The following ULK4 variants were observed in gnomAD, a reference collection of about 807,000 sequenced individuals.
ULK4 encodes inactive serine/threonine-protein kinase ULK4.
ULK4 carries 133 observed loss-of-function variants against 160.6 expected under a neutral mutation model. The observed-to-expected ratio is 0.83, with a 90% CI of 0.72 to 0.96. ULK4 has a LOEUF of 0.96. Among genes scored for constraint, ULK4 ranks in the 40% least tolerant of loss-of-function variants. ULK4 has a pLI of 0.00. For missense variants in ULK4, 1,580 were observed against 1,499.5 expected, an observed-to-expected ratio of 1.05 and a Z score of -0.89; for synonymous variants, 534 against 539.8, an observed-to-expected ratio of 0.99 and a Z score of 0.15.
In ULK4 at chr3:41,388,630, G is replaced by A. The variant is rs555533659; in HGVS notation, c.3678+9449C>T. Among the ~76,000 whole-genome samples, 4 of 152,174 alleles carry A rather than the reference G, an allele frequency of 2.6e-5. No individual in the cohort carries two copies. The South Asian group carries it at 6.2e-4, about 24-fold the overall frequency. On this transcript the variant is annotated intron_variant, in intron 35 of 36. Transcript: ENST00000301831. The stretch of plus-strand genomic sequence containing the variant: ...TTCCCAGCACCATTTGTTAAATAGG[G>A]AATCCTTTCCCCATTTCTTGTTTTT...
chr3:41,954,940 A>C, intron 1 of ULK4, 133 bp from the exon 2 acceptor site: 1 of 594,740 alleles, frequency 1.7e-6, no homozygotes, highest in South Asian at 2.5e-5. Context: ...TTCACTTACA[A>C]ATGTTAAATA....
chr3:41,765,286 T>C (rs1408554975), intron 21 of ULK4, among the ~76,000 whole-genome samples: 2 of 152,110 alleles, frequency 1.3e-5, no homozygotes, highest in African/African-American at 2.4e-5. Flanking sequence ...GAAACCATCA[T>C]TCTGGGCAAA....
At chr3:41,579,262 G>C (rs556638313) in intron 31 of ULK4, among the ~76,000 whole-genome samples, 1 of 152,232 alleles carries the variant, frequency 6.6e-6, no homozygotes, top group African/African-American at 2.4e-5. Flanking sequence ...GAAAATGAAA[G>C]AGAAAACCAG....
At chr3:41,292,943 C>CA (rs1295434628) in intron 35 of ULK4, among the ~76,000 whole-genome samples, 1 of 150,774 alleles carries the variant, frequency 6.6e-6, no homozygotes, top group Non-Finnish European at 1.5e-5. Flanking sequence ...GACACCGTCT[C>CA]AAAAAAATAA....
At chr3:41,931,723 A>G (rs966689253) in intron 5 of ULK4, 121 bp downstream of exon 5, 6 of 1,228,484 alleles carry the variant, frequency 4.9e-6, no homozygotes, top group Non-Finnish European at 6.9e-6. Context: ...TCTGCTGGTC[A>G]TTACCATTTT....
intron 35 of ULK4, among the ~76,000 whole-genome samples, chr3:41,281,596 A>C (rs2079354094): frequency 6.6e-6 from 1 of 152,230 alleles, no homozygotes; most frequent in Admixed American, 6.5e-5. Flanking sequence ...AACAAAATTC[A>C]ACAGCTCTTC....
intron 31 of ULK4, among the ~76,000 whole-genome samples, chr3:41,608,701 T>C (rs2032506393): frequency 6.6e-6 from 1 of 152,186 alleles, no homozygotes; most frequent in Non-Finnish European, 1.5e-5. Context: ...CCAATGTAAC[T>C]GACAGTTAGG....
intron 32 of ULK4, among the ~76,000 whole-genome samples, chr3:41,502,127 T>C (rs1216741966): frequency 1.3e-5 from 2 of 152,258 alleles, no homozygotes; most frequent in Admixed American, 6.5e-5. Flanking sequence ...TTCTATATCC[T>C]AGCTACTGTG....
At chr3:41,880,102 A>C (rs1697459877) in intron 17 of ULK4, among the ~76,000 whole-genome samples, 1 of 152,194 alleles carries the variant, frequency 6.6e-6, no homozygotes, top group Non-Finnish European at 1.5e-5. Context: ...CCTGGGCAAC[A>C]GAGTGAGACT....
rs768922641 is a variant in ULK4 at position 41,681,518 on chromosome 3, A to C, written c.2968T>G (p.Leu990Val). Residue 990 changes from leucine to valine, a missense_variant, in exon 29 of 37, where the codon TTA becomes GTA. Leu to Val is a conservative substitution (Grantham distance 32, BLOSUM62 1). Transcript: ENST00000301831. ...CTGCATGATACTTACTGGGGAAGTA[A>C]GACATCTCGAATGAGAGCCAGAAGA... ...SNLLALIRDV[L>V]LPQYEHILLE... The C allele has an allele frequency of 1.9e-6, 3 of 1,614,028 alleles. No individual in the cohort carries two copies. The highest frequency in any genetic ancestry group is 2.5e-6 in the Non-Finnish European group (3 of 1,179,948).
At chr3:41,377,706 T>C (rs1378929525) in intron 35 of ULK4, among the ~76,000 whole-genome samples, 3 of 147,616 alleles carry the variant, frequency 2.0e-5, no homozygotes, top group Non-Finnish European at 4.4e-5. Flanking sequence ...ATGGCGATCA[T>C]TAAAAAGTCA....
At chr3:41,768,666 A>G (rs2039250311) in intron 21 of ULK4, among the ~76,000 whole-genome samples, 1 of 152,210 alleles carries the variant, frequency 6.6e-6, no homozygotes, top group South Asian at 2.1e-4. Context: ...CAGCTAACAC[A>G]ACCTTGCTCA....
At chr3:41,898,321 T>C (rs1575909880) in intron 14 of ULK4, 111 bp downstream of exon 14, 2 of 688,730 alleles carry the variant, frequency 2.9e-6, no homozygotes, top group East Asian at 5.6e-5. Flanking sequence ...TAGCCAATTG[T>C]CAAGACAAAA....
At chr3:41,772,227 A>G (rs149736853) in intron 21 of ULK4, among the ~76,000 whole-genome samples, 1,553 of 152,340 alleles carry the variant, frequency 0.01, 28 homozygotes, top group African/African-American at 0.035. Flanking sequence ...TCAGAGCAGA[A>G]CTGAAGGAGA....
At position 41,758,134 on chromosome 3, in the gene ULK4, C is replaced by G. The variant is rs141763561; in HGVS notation, c.2194-3646G>C. Among the ~76,000 whole-genome samples, 920 of 152,156 alleles carry G rather than the reference C, an allele frequency of 6.0e-3. 2 individuals carry two copies. Among genetic ancestry groups the G allele is most frequent in the Non-Finnish European group, 8.7e-3 (589 of 68,008 alleles). On this transcript the variant is annotated intron_variant, in intron 21 of 36. Transcript: ENST00000301831. ...TTACCCCTTCCAACATGTAAGGACA[C>G]AAAGACGAAACTATGTATGACAAAT...
intron 17 of ULK4, chr3:41,854,889 G>A (rs2125676977): frequency 1.3e-5 from 2 of 149,448 alleles, no homozygotes; most frequent in South Asian, 4.3e-4. Context: ...GTGCTACCTG[G>A]AGTCTTAGCC....
chr3:41,918,595 C>CTT (rs36064862), intron 6 of ULK4, 55 bp from the exon 7 acceptor site: 2,384 of 226,136 alleles, frequency 0.011, 7 homozygotes, highest in Middle Eastern at 0.018. Context: ...ACCAATAATT[C>CTT]TTTTTTTTTT....
chr3:41,548,781 A>T (rs970489519), intron 32 of ULK4, among the ~76,000 whole-genome samples: 1 of 151,916 alleles, frequency 6.6e-6, no homozygotes, highest in Non-Finnish European at 1.5e-5. Flanking sequence ...AGGGACCCAA[A>T]GACAGGCACC....
chr3:41,293,841 A>C (rs1027029386), intron 35 of ULK4, among the ~76,000 whole-genome samples: 1 of 152,214 alleles, frequency 6.6e-6, no homozygotes, highest in Admixed American at 6.5e-5. Flanking sequence ...TTTCATCTGC[A>C]GTAGGCATGG....
Sources: allele counts gnomAD v4.1 joint callset (sites outside exome capture counted in the v4.1 genomes callset), GRCh38; gene constraint gnomAD v4.1.1; transcripts MANE v1.5; gene names NCBI Gene and HGNC (gene_info 2026-07-23, HGNC 2026-07-21).